The following INPP4A variants were observed in gnomAD, a reference collection of about 807,000 sequenced individuals.
The protein encoded by INPP4A is inositol polyphosphate-4-phosphatase, type I, 107kD.
Under a neutral mutation model 119.8 loss-of-function variants are expected in INPP4A, and 33 were observed. The ratio of observed to expected loss-of-function variants is 0.28; its 90% CI spans 0.21 to 0.37. INPP4A has a LOEUF of 0.37. Among genes scored for constraint, INPP4A ranks in the 10% least tolerant of loss-of-function variants. INPP4A has a pLI of 1.00. For synonymous variants in INPP4A, 496 were observed against 500.7 expected (o/e 0.99, Z 0.12); for missense variants, 956 against 1,289.9 (o/e 0.74, Z 3.97).
In INPP4A at chr2:98,544,019, C is replaced by T. The variant is rs1377480630; in HGVS notation, c.949+12C>T. ...CCATCAGTACAGAGGTGGGTGCACC[C>T]CCATGCTGTCACCACACACGCGTGC... On this transcript the variant is annotated intron_variant, in intron 11 of 24. Transcript: ENST00000409851. The T allele has an allele frequency of 1.9e-6, 3 of 1,552,614 alleles. No homozygotes were observed. Among genetic ancestry groups the T allele is most frequent in the Non-Finnish European group, 2.6e-6 (3 of 1,147,502 alleles).
At chr2:98,450,497 A>C (rs1341700715) in intron 1 of INPP4A, among the ~76,000 whole-genome samples, 1 of 152,210 alleles carries the variant, frequency 6.6e-6, no homozygotes, top group Non-Finnish European at 1.5e-5. Flanking sequence ...CTGGTGCTGC[A>C]CTTTCTGTGA....
At chr2:98,496,144 G>A (rs930059274) in intron 1 of INPP4A, among the ~76,000 whole-genome samples, 1 of 152,008 alleles carries the variant, frequency 6.6e-6, no homozygotes, top group Non-Finnish European at 1.5e-5. Flanking sequence ...AGGGAGGAGG[G>A]TATAAATGAG....
chr2:98,478,872 C>T (rs946174322), intron 1 of INPP4A, among the ~76,000 whole-genome samples: 4 of 152,128 alleles, frequency 2.6e-5, no homozygotes, highest in Non-Finnish European at 4.4e-5. Context: ...GAAAGAGGTC[C>T]GGTTTTTTTG....
intron 17 of INPP4A, among the ~76,000 whole-genome samples, chr2:98,561,400 C>T (rs369945292): frequency 3.4e-4 from 52 of 152,334 alleles, no homozygotes; most frequent in African/African-American, 1.1e-3. Context: ...GCGTGGAAAT[C>T]ATGTTACTGC....
At position 98,512,791 on chromosome 2, in the gene INPP4A, A is replaced by G. The variant is rs1300562515; in HGVS notation, c.-165-6173A>G. 3.3e-5 allele frequency among the ~76,000 whole-genome samples: 5 copies of G among 152,166 alleles called. No homozygotes were observed. The East Asian group carries it at 7.7e-4, about 23-fold the overall frequency. On this transcript the variant is annotated intron_variant, in intron 1 of 24. Coordinates refer to ENST00000409851, the MANE Select transcript of INPP4A (RefSeq NM_001134225.2). ...CTGTATCAAGAGCCTTTTGTGGACCAGGGTGCTGGGGGCCTGGTGGGCTTG... is the reference window on the plus strand; with the variant it reads ...CTGTATCAAGAGCCTTTTGTGGACCGGGGTGCTGGGGGCCTGGTGGGCTTG...
At chr2:98,583,170 A>G (rs1173419981) in intron 24 of INPP4A, among the ~76,000 whole-genome samples, 1 of 152,264 alleles carries the variant, frequency 6.6e-6, no homozygotes, top group Non-Finnish European at 1.5e-5. Flanking sequence ...GCATATAGTC[A>G]CCAAAGGCTG....
At chr2:98,576,915 C>G in intron 23 of INPP4A, 74 bp from the exon 24 acceptor site, 3 of 1,533,388 alleles carry the variant, frequency 2.0e-6, no homozygotes, top group Non-Finnish European at 2.7e-6. Context: ...GGTTGGGAGC[C>G]TTTCCTGTGT....
At chr2:98,456,842 G>A (rs1378867199) in intron 1 of INPP4A, among the ~76,000 whole-genome samples, 1 of 152,216 alleles carries the variant, frequency 6.6e-6, no homozygotes, top group East Asian at 1.9e-4. Context: ...GAGGGAGGAA[G>A]ATCTTTGTGT....
At chr2:98,461,387 T>C (rs1461559695) in intron 1 of INPP4A, among the ~76,000 whole-genome samples, 1 of 152,236 alleles carries the variant, frequency 6.6e-6, no homozygotes, top group East Asian at 1.9e-4. Flanking sequence ...GGTGTGGGCC[T>C]AGCTTTGATT....
chr2:98,538,975 A>C lies in INPP4A; in HGVS notation c.664A>C (p.Lys222Gln). The C allele has an allele frequency of 1.9e-6, 3 of 1,601,288 alleles. No individual in the cohort carries two copies. The highest frequency in any genetic ancestry group is 2.6e-6 in the Non-Finnish European group (3 of 1,170,598). Reference protein sequence around the residue: ...YASLRKDTLLKSVFGGAICRM... With the variant: ...YASLRKDTLLQSVFGGAICRM... Reference sequence around the variant, plus strand: ...TTCATTGCGAAAGGACACTTTGCTGAAATCGGGTAAACAGCTTCCTCCTTT... The same window carrying C: ...TTCATTGCGAAAGGACACTTTGCTGCAATCGGGTAAACAGCTTCCTCCTTT... The change falls in exon 9 of 25, where the codon AAA becomes CAA. Residue 222 changes from lysine (K) to glutamine (Q), a missense_variant. By Grantham distance (53) the Lys-to-Gln change is moderately conservative. Transcript: ENST00000409851.
chr2:98,592,135 GAACTC>G lies in INPP4A; in HGVS notation c.*4528_*4532del, dbSNP rs1300453685. Reference sequence around the variant, plus strand: ...TCCTCCTGGCAGGCAGGCCCTCACAGAACTCTGCATTTGGAGATGGACAAACTCTC... The same window carrying G: ...TCCTCCTGGCAGGCAGGCCCTCACAGTGCATTTGGAGATGGACAAACTCTC... On this transcript the variant is annotated 3_prime_UTR_variant, in exon 25 of 25. Transcript: ENST00000409851. The G allele has an allele frequency of 1.3e-5, 2 of 152,240 alleles. No individual in the cohort carries two copies. The highest frequency in any genetic ancestry group is 4.8e-5 in the African/African-American group (2 of 41,456). 9.4% of individuals were successfully genotyped at this position (152,240 alleles called of 1,614,324 possible). A position where few individuals can be genotyped will look rare whatever the true frequency, so the allele number is the denominator to read the frequency against.
chr2:98,524,089 C>G (rs1476123359), intron 4 of INPP4A, among the ~76,000 whole-genome samples: 1 of 152,146 alleles, frequency 6.6e-6, no homozygotes, highest in Non-Finnish European at 1.5e-5. Flanking sequence ...AGCCAGCCTC[C>G]TACTGCTGGA....
intron 1 of INPP4A, among the ~76,000 whole-genome samples, chr2:98,506,519 A>AT (rs1229793293): frequency 1.3e-5 from 2 of 152,082 alleles, no homozygotes; most frequent in Non-Finnish European, 2.9e-5. Context: ...CCCCCTTGAG[A>AT]TTTTTTACCT....
intron 1 of INPP4A, among the ~76,000 whole-genome samples, chr2:98,466,983 G>A (rs1242291830): frequency 6.6e-6 from 1 of 152,182 alleles, no homozygotes. Context: ...AAGAAAAGAG[G>A]TTTACTTGGC....
At chr2:98,476,194 G>T (rs563499822) in intron 1 of INPP4A, among the ~76,000 whole-genome samples, 4 of 152,268 alleles carry the variant, frequency 2.6e-5, no homozygotes, top group African/African-American at 9.6e-5. Flanking sequence ...TTTGAGTTTC[G>T]ATTGTTCCTG....
In INPP4A at chr2:98,539,588, G is replaced by A. The variant is rs776096061; in HGVS notation, c.731G>A (p.Arg244Gln). The A allele has an allele frequency of 1.9e-6, 3 of 1,612,178 alleles. No homozygotes were observed. Among genetic ancestry groups the A allele is most frequent in the Admixed American group, 3.3e-5 (2 of 59,878 alleles). The part of the protein sequence containing the change: ...RFPTTDGNHL[R>Q]ILEQMAESVL... The stretch of plus-strand genomic sequence containing the variant: ...CCAACCACTGATGGTAACCATTTGC[G>A]GATCCTGGAGCAGATGGCAGAGAGC... Residue 244 changes from arginine (R) to glutamine (Q), a missense_variant, in exon 10 of 25, where the codon CGG (arginine) becomes CAG (glutamine). Physicochemically the swap from Arg to Gln is conservative, Grantham distance 43. Around this residue, in one of 2 missense-constraint regions of INPP4A, gnomAD observed 652 missense variants for 797.9 expected, o/e 0.82. Coordinates refer to ENST00000409851, the MANE Select transcript of INPP4A (RefSeq NM_001134225.2).
intron 1 of INPP4A, among the ~76,000 whole-genome samples, chr2:98,506,097 A>G (rs1683993316): frequency 1.3e-5 from 2 of 152,138 alleles, no homozygotes; most frequent in African/African-American, 4.8e-5. Flanking sequence ...TCCTGACTAG[A>G]ATTTAGTGTT....
chr2:98,448,413 A>G (rs574378358), intron 1 of INPP4A, among the ~76,000 whole-genome samples: 1 of 151,768 alleles, frequency 6.6e-6, no homozygotes, highest in Admixed American at 6.6e-5. Context: ...TTTAGTGTAC[A>G]GGTCGTATTT....
At chr2:98,538,498 C>T (rs887914798) in intron 8 of INPP4A, among the ~76,000 whole-genome samples, 7 of 152,184 alleles carry the variant, frequency 4.6e-5, no homozygotes, top group African/African-American at 1.7e-4. Context: ...AAGAAAAATT[C>T]TAATTTCAGA....
Sources: gnomAD v4.1 joint callset for allele counts (sites outside exome capture counted in the v4.1 genomes callset) on GRCh38, gnomAD v4.1.1 for gene constraint, gnomAD v4.1.1 regional missense constraint, MANE v1.5 for transcripts, NCBI Gene and HGNC (gene_info 2026-07-23, HGNC 2026-07-21) for gene names.